RGS7: variants seen among roughly 807,000 people sequenced by gnomAD.
RGS7 encodes regulator of G protein signaling 7.
RGS7 carries 27 observed loss-of-function variants against 81.1 expected under a neutral mutation model. The ratio of observed to expected loss-of-function variants is 0.33; its 90% confidence interval spans 0.25 to 0.46. The LOEUF (loss-of-function observed/expected upper bound fraction) is 0.46, where lower values mean the gene tolerates loss of function less well. Ranked by LOEUF, RGS7 falls within the 20% of genes least tolerant of loss-of-function variation. The pLI is 1.00. For synonymous variants in RGS7, 208 were observed against 207.7 expected, an observed-to-expected ratio of 1.00 and a Z score of -0.01; for missense variants, 396 against 607.4, an observed-to-expected ratio of 0.65 and a Z score of 3.66.
At chr1:241,306,608 G>A (rs1266646257) in intron 2 of RGS7, among the ~76,000 whole-genome samples, 2 of 149,590 alleles carry the variant, frequency 1.3e-5, no homozygotes, top group South Asian at 4.3e-4. Context: ...ACCTTCACAG[G>A]CATATATACG....
intron 2 of RGS7, among the ~76,000 whole-genome samples, chr1:241,255,793 C>T (rs963264878): frequency 3.3e-5 from 5 of 152,122 alleles, no homozygotes; most frequent in African/African-American, 4.8e-5. Flanking sequence ...GTTCCTACCG[C>T]GATGTGCTTT....
intron 2 of RGS7, among the ~76,000 whole-genome samples, chr1:241,315,278 T>G (rs1378733590): frequency 1.3e-5 from 2 of 151,794 alleles, no homozygotes; most frequent in African/African-American, 4.8e-5. Context: ...TGAATAGTGG[T>G]CAGTTTTTGT....
chr1:240,819,249 T>C (rs975448455), intron 10 of RGS7, among the ~76,000 whole-genome samples: 1 of 152,184 alleles, frequency 6.6e-6, no homozygotes, highest in Non-Finnish European at 1.5e-5. Context: ...ACAGGTCATA[T>C]AAACAGTGCT....
At chr1:240,822,623 A>G (rs1692011219) in intron 10 of RGS7, among the ~76,000 whole-genome samples, 1 of 152,204 alleles carries the variant, frequency 6.6e-6, no homozygotes, top group Admixed American at 6.5e-5. Flanking sequence ...ACATGCTGGT[A>G]TTTTACCATG....
chr1:241,106,517 C>A (rs1029958024), intron 2 of RGS7, among the ~76,000 whole-genome samples: 18 of 151,970 alleles, frequency 1.2e-4, no homozygotes, highest in Non-Finnish European at 2.2e-4. Context: ...AGTTTGAGAC[C>A]AGCCTGGCCA....
At chr1:240,977,192 A>G (rs1684254576) in intron 4 of RGS7, among the ~76,000 whole-genome samples, 1 of 151,786 alleles carries the variant, frequency 6.6e-6, no homozygotes, top group Non-Finnish European at 1.5e-5. Context: ...AATTTCAACA[A>G]TGTAGACGTA....
chr1:241,103,424 TAAG>T (rs1485672060), intron 2 of RGS7, among the ~76,000 whole-genome samples: 1 of 152,130 alleles, frequency 6.6e-6, no homozygotes, highest in Non-Finnish European at 1.5e-5. Context: ...TCTTTACTCT[TAAG>T]AAGTTCAAAG....
intron 18 of RGS7, among the ~76,000 whole-genome samples, chr1:240,793,611 A>ATATATTTTTT: frequency 6.3e-5 from 5 of 78,782 alleles, no homozygotes; most frequent in African/African-American, 4.9e-4. Context: ...ATATATATAT[A>ATATATTTTTT]TTTTTTTTTT....
intron 18 of RGS7, among the ~76,000 whole-genome samples, chr1:240,780,964 A>G (rs1270069227): frequency 6.6e-6 from 1 of 150,970 alleles, no homozygotes; most frequent in Non-Finnish European, 1.5e-5. Context: ...ATTGGAAGCC[A>G]TTTGAAACTC....
At chr1:240,824,978 C>A (rs1003700342) in intron 10 of RGS7, among the ~76,000 whole-genome samples, 6 of 152,166 alleles carry the variant, frequency 3.9e-5, no homozygotes, top group Admixed American at 3.9e-4. Flanking sequence ...CTGAACTTGC[C>A]ACCACCCTGA....
At chr1:241,056,321 G>A (rs558051855) in intron 3 of RGS7, among the ~76,000 whole-genome samples, 11 of 152,148 alleles carry the variant, frequency 7.2e-5, no homozygotes, top group African/African-American at 2.2e-4. Flanking sequence ...AACACCTTCC[G>A]TACTGTTCAT....
chr1:240,947,892 C>T (rs1678906587), intron 4 of RGS7, among the ~76,000 whole-genome samples: 1 of 152,198 alleles, frequency 6.6e-6, no homozygotes. Context: ...CCCATCTTTA[C>T]ATATCCTCCT....
chr1:241,068,394 G>A (rs1363446559), intron 3 of RGS7, among the ~76,000 whole-genome samples: 2 of 151,224 alleles, frequency 1.3e-5, no homozygotes, highest in East Asian at 3.9e-4. Flanking sequence ...TCTGCTCTAT[G>A]ATAGCTCACA....
intron 4 of RGS7, among the ~76,000 whole-genome samples, chr1:240,961,866 C>G (rs1681497153): frequency 6.6e-6 from 1 of 150,758 alleles, no homozygotes; most frequent in African/African-American, 2.4e-5. Context: ...TATGCAAGCT[C>G]AGAGAGAAAA....
chr1:241,179,640 C>T (rs2071437520), intron 2 of RGS7, among the ~76,000 whole-genome samples: 1 of 152,144 alleles, frequency 6.6e-6, no homozygotes, highest in African/African-American at 2.4e-5. Flanking sequence ...AACATGTGAC[C>T]TACAGTTTCC....
intron 2 of RGS7, among the ~76,000 whole-genome samples, chr1:241,180,133 G>A (rs2071483123): frequency 6.6e-6 from 1 of 152,100 alleles, no homozygotes; most frequent in Admixed American, 6.6e-5. Flanking sequence ...CCAGCACTTT[G>A]GGAAGCCGAG....
chr1:241,029,246 C>T (rs1002543372), intron 3 of RGS7, among the ~76,000 whole-genome samples: 2 of 152,108 alleles, frequency 1.3e-5, no homozygotes, highest in Non-Finnish European at 2.9e-5. Flanking sequence ...AGCCATCTAG[C>T]AAAATACATT....
chr1:240,982,494 A>G (rs957742938), intron 4 of RGS7, among the ~76,000 whole-genome samples: 2 of 152,042 alleles, frequency 1.3e-5, no homozygotes, highest in Admixed American at 1.3e-4. Context: ...CAGGCAATGC[A>G]AAGTGTGAAC....
intron 2 of RGS7, among the ~76,000 whole-genome samples, chr1:241,331,177 G>A (rs998744145): frequency 1.3e-5 from 2 of 152,078 alleles, no homozygotes; most frequent in African/African-American, 4.8e-5. Flanking sequence ...TTAAGAAAGA[G>A]GGTATTTCCA....
Sources: allele counts gnomAD v4.1 joint callset (sites outside exome capture counted in the v4.1 genomes callset), GRCh38; gene constraint gnomAD v4.1.1; transcripts MANE v1.5; gene names NCBI Gene and HGNC (gene_info 2026-07-23, HGNC 2026-07-21).